ADARB1: variants seen among roughly 807,000 people sequenced by gnomAD.
ADARB1 encodes adenosine deaminase RNA specific B1, also known as double-stranded RNA-specific editase 1.
A neutral mutation model predicts 52.4 loss-of-function variants in ADARB1; 10 were observed. That is an observed-to-expected ratio of 0.19 (90% CI 0.12 to 0.32). ADARB1 has a LOEUF of 0.32. Among genes scored for constraint, ADARB1 ranks in the 10% least tolerant of loss-of-function variants. The pLI, the probability that ADARB1 is intolerant of heterozygous loss-of-function variation, is 1.00. For missense variants in ADARB1, 643 were observed against 922.3 expected, an observed-to-expected ratio of 0.70 and a Z score of 3.92; for synonymous variants, 349 against 371.1, an observed-to-expected ratio of 0.94 and a Z score of 0.68.
At chr21:45,135,976 A>G (rs993132206) in intron 2 of ADARB1, among the ~76,000 whole-genome samples, 1 of 152,184 alleles carries the variant, frequency 6.6e-6, no homozygotes, top group African/African-American at 2.4e-5. Flanking sequence ...AGAGGCCGCC[A>G]GCAGCCACGG....
At chr21:45,146,824 T>C (rs189535975) in intron 2 of ADARB1, among the ~76,000 whole-genome samples, 4 of 152,368 alleles carry the variant, frequency 2.6e-5, no homozygotes, top group Admixed American at 6.5e-5. Context: ...CCTTTTTTCT[T>C]ACCCTGTGTT....
At chr21:45,095,605 G>A (rs1193330012) in intron 1 of ADARB1, among the ~76,000 whole-genome samples, 6 of 151,728 alleles carry the variant, frequency 4.0e-5, no homozygotes, top group African/African-American at 7.3e-5. Flanking sequence ...TCTGCATCCC[G>A]CTGTTTCAGG....
At chr21:45,177,689 G>T (rs1436596815) in intron 4 of ADARB1, 1 of 152,168 alleles carries the variant, frequency 6.6e-6, no homozygotes, top group East Asian at 1.9e-4. Context: ...AAGGTGGCTT[G>T]TGTTCCCCTG....
chr21:45,218,230 G>C (rs1003205211), intron 9 of ADARB1, among the ~76,000 whole-genome samples: 2 of 151,956 alleles, frequency 1.3e-5, no homozygotes, highest in Non-Finnish European at 2.9e-5. Context: ...CTGATTTTCT[G>C]TTCTTTTTTT....
intron 2 of ADARB1, among the ~76,000 whole-genome samples, chr21:45,153,288 C>T (rs1316399786): frequency 6.6e-6 from 1 of 151,896 alleles, no homozygotes; most frequent in Non-Finnish European, 1.5e-5. Flanking sequence ...TGACTATACA[C>T]ATCACAAGCT....
intron 1 of ADARB1, among the ~76,000 whole-genome samples, chr21:45,078,127 G>A (rs2086018336): frequency 6.6e-6 from 1 of 152,030 alleles, no homozygotes; most frequent in Admixed American, 6.5e-5. Context: ...AGATGTCCTA[G>A]GCGTACACAA....
intron 2 of ADARB1, among the ~76,000 whole-genome samples, chr21:45,139,658 C>T (rs1022707007): frequency 5.9e-5 from 9 of 152,234 alleles, no homozygotes; most frequent in South Asian, 4.2e-4. Context: ...AGTGTGGGGC[C>T]GCGTGCGCCC....
chr21:45,188,644 G>A (rs952482354), intron 8 of ADARB1, among the ~76,000 whole-genome samples: 1 of 150,978 alleles, frequency 6.6e-6, no homozygotes, highest in Non-Finnish European at 1.5e-5. Context: ...TACCCAATCT[G>A]TATCTTTTGA....
chr21:45,081,205 G>GC (rs2086136944), intron 1 of ADARB1, among the ~76,000 whole-genome samples: 1 of 152,150 alleles, frequency 6.6e-6, no homozygotes, highest in Admixed American at 6.5e-5. Context: ...GTGGGAGGAT[G>GC]CGGTGGAGAA....
chr21:45,138,546 T>C (rs755068297), intron 2 of ADARB1, among the ~76,000 whole-genome samples: 7 of 152,246 alleles, frequency 4.6e-5, no homozygotes, highest in Non-Finnish European at 1.0e-4. Context: ...TCTATTCCTT[T>C]TGTCAGAGAC....
At chr21:45,205,850 G>A (rs1211484851) in intron 9 of ADARB1, among the ~76,000 whole-genome samples, 2 of 152,176 alleles carry the variant, frequency 1.3e-5, no homozygotes, top group African/African-American at 2.4e-5. Flanking sequence ...TTTGGGGTGT[G>A]TGTGTGCTTG....
In ADARB1 at chr21:45,196,781, A is replaced by G. The variant is rs988559527; in HGVS notation, c.1566-7774A>G. On this transcript the variant is annotated intron_variant, in intron 8 of 10. Transcript: ENST00000348831. ...AAATGCAAAGGAGATGCCACAACAC[A>G]TCTCTTGGAGTGGCTGAAATTAAAA... 5.3e-5 allele frequency among the ~76,000 whole-genome samples: 8 copies of G among 152,238 alleles called. No individual in the cohort carries two copies. In the East Asian group the frequency reaches 1.5e-3, roughly 29 times the overall value.
chr21:45,212,219 C>G (rs2092782799), intron 9 of ADARB1, among the ~76,000 whole-genome samples: 1 of 152,142 alleles, frequency 6.6e-6, no homozygotes, highest in Non-Finnish European at 1.5e-5. Context: ...CCATTATGGT[C>G]AGAGATTCCC....
intron 8 of ADARB1, among the ~76,000 whole-genome samples, chr21:45,193,013 A>G (rs527809565): frequency 2.6e-5 from 4 of 152,228 alleles, no homozygotes; most frequent in Non-Finnish European, 5.9e-5. Flanking sequence ...AATTCCAAAC[A>G]TTTAAGGAAG....
At chr21:45,110,856 G>A (rs1210633678) in intron 1 of ADARB1, among the ~76,000 whole-genome samples, 1 of 152,146 alleles carries the variant, frequency 6.6e-6, no homozygotes, top group African/African-American at 2.4e-5. Context: ...CCTGCTGGAA[G>A]GTACTCCTGA....
intron 9 of ADARB1, among the ~76,000 whole-genome samples, chr21:45,218,337 A>G (rs1182334304): frequency 3.3e-5 from 5 of 152,204 alleles, no homozygotes; most frequent in African/African-American, 1.2e-4. Context: ...TAGTCCCATC[A>G]AGTGTATTTT....
chr21:45,086,635 ATCCGTGTG>A (rs1463684980), intron 1 of ADARB1, among the ~76,000 whole-genome samples: 4 of 152,210 alleles, frequency 2.6e-5, no homozygotes, highest in African/African-American at 9.6e-5. Context: ...TTTCGGGTTC[ATCCGTGTG>A]TTGTAGAACA....
Position 45,222,268 on chromosome 21 carries a change from G to T in ADARB1, c.*71G>T. On this transcript the variant is annotated 3_prime_UTR_variant, in exon 11 of 11. Transcript: ENST00000348831. ...CGTCATCCTCCAGAACCTCACATCT[G>T]AACTGGGGGCAGGTGCATACCTTGG... 2 of 1,436,916 alleles carry T rather than the reference G, an allele frequency of 1.4e-6. No individual in the cohort carries two copies. The highest frequency in any genetic ancestry group is 1.8e-6 in the Non-Finnish European group (2 of 1,095,134). 89.0% of individuals were successfully genotyped at this position (1,436,916 alleles called of 1,614,324 possible).
At chr21:45,085,304 G>T (rs1256974306) in intron 1 of ADARB1, among the ~76,000 whole-genome samples, 1 of 152,222 alleles carries the variant, frequency 6.6e-6, no homozygotes, top group East Asian at 1.9e-4. Flanking sequence ...TTCAAAAGAT[G>T]CTGGGGAGCT....
Sources: allele counts gnomAD v4.1 joint callset (sites outside exome capture counted in the v4.1 genomes callset), GRCh38; gene constraint gnomAD v4.1.1; transcripts MANE v1.5; gene names NCBI Gene and HGNC (gene_info 2026-07-23, HGNC 2026-07-21).